NXNL2: variants seen among roughly 807,000 people sequenced by gnomAD.
NXNL2 encodes nucleoredoxin-like protein 2.
In NXNL2, 7 loss-of-function variants were observed where a neutral mutation model predicts 11.1. That is an observed-to-expected ratio of 0.63 (90% CI 0.36 to 1.18). NXNL2 has a LOEUF of 1.18. NXNL2 is among the 50% of genes most tolerant of loss of function. NXNL2 has a pLI of 0.02. For synonymous variants in NXNL2, 109 were observed against 101.8 expected, an observed-to-expected ratio of 1.07 and a Z score of -0.42; for missense variants, 233 against 217.7, an observed-to-expected ratio of 1.07 and a Z score of -0.44.
intron 1 of NXNL2, among the ~76,000 whole-genome samples, chr9:88,536,206 CGA>C (rs1420511245): frequency 1.3e-5 from 2 of 152,000 alleles, no homozygotes; most frequent in Non-Finnish European, 2.9e-5. Flanking sequence ...GGATGACCCG[CGA>C]GGACATCAGC....
At chr9:88,536,585 G>C (rs1487898519) in intron 1 of NXNL2, among the ~76,000 whole-genome samples, 1 of 152,094 alleles carries the variant, frequency 6.6e-6, no homozygotes, top group African/African-American at 2.4e-5. Flanking sequence ...TCTGGGTTTT[G>C]CTTTACAGCC....
chr9:88,557,379 A>C (rs1830031648), intron 1 of NXNL2, among the ~76,000 whole-genome samples: 1 of 152,014 alleles, frequency 6.6e-6, no homozygotes, highest in Non-Finnish European at 1.5e-5. Flanking sequence ...CTGGGCATCA[A>C]ATTTTCCAAA....
At chr9:88,582,356 C>T (rs28513342) in intron 1 of NXNL2, among the ~76,000 whole-genome samples, 35,170 of 151,886 alleles carry the variant, frequency 0.23, 6,261 homozygotes, top group East Asian at 0.89. Context: ...GTAGTCCCAG[C>T]TACTCGGGAG....
intron 2 of NXNL2, among the ~76,000 whole-genome samples, chr9:88,574,680 G>A (rs1354322588): frequency 6.6e-6 from 1 of 152,164 alleles, no homozygotes; most frequent in Non-Finnish European, 1.5e-5. Context: ...ATTTTGAGGT[G>A]GGGACTTCCT....
At chr9:88,565,894 T>A (rs1830163508) in intron 1 of NXNL2, among the ~76,000 whole-genome samples, 1 of 152,220 alleles carries the variant, frequency 6.6e-6, no homozygotes, top group African/African-American at 2.4e-5. Context: ...TGAGGTGATA[T>A]CTCATTGTGG....
downstream of NXNL2, among the ~76,000 whole-genome samples, chr9:88,577,415 G>A (rs749778941): frequency 2.6e-5 from 4 of 152,018 alleles, no homozygotes; most frequent in Admixed American, 1.3e-4. Context: ...GCATGTCTAC[G>A]GTCCTAAGAG....
intron 1 of NXNL2, among the ~76,000 whole-genome samples, chr9:88,567,848 C>T (rs1480901635): frequency 6.6e-6 from 1 of 152,172 alleles, no homozygotes; most frequent in Non-Finnish European, 1.5e-5. Context: ...CTCTCTGCAT[C>T]GGGTTGCTCT....
downstream of NXNL2, among the ~76,000 whole-genome samples, chr9:88,548,715 C>T (rs1386328713): frequency 2.0e-5 from 3 of 148,662 alleles, no homozygotes; most frequent in Non-Finnish European, 4.4e-5. Context: ...ATTATCTTAT[C>T]TGGCTGTTTG....
At chr9:88,537,499 T>C (rs1829652492) in intron 1 of NXNL2, among the ~76,000 whole-genome samples, 17 of 152,230 alleles carry the variant, frequency 1.1e-4, no homozygotes, top group Admixed American at 1.1e-3. Flanking sequence ...ATTTTTCTTT[T>C]TGTAAACTTA....
chr9:88,565,565 C>T (rs11142343), intron 1 of NXNL2, among the ~76,000 whole-genome samples: 43,726 of 151,942 alleles, frequency 0.29, 10,472 homozygotes, highest in East Asian at 0.78. Flanking sequence ...AGACAGAGTC[C>T]TTCTCTGTCT....
downstream of NXNL2, among the ~76,000 whole-genome samples, chr9:88,545,949 T>C (rs1391952280): frequency 6.6e-6 from 1 of 152,022 alleles, no homozygotes; most frequent in Non-Finnish European, 1.5e-5. Context: ...GTATTTTTAG[T>C]AGAGACAGGG....
intron 1 of NXNL2, among the ~76,000 whole-genome samples, chr9:88,567,681 G>C (rs1587854202): frequency 6.6e-6 from 1 of 152,160 alleles, no homozygotes; most frequent in East Asian, 1.9e-4. Flanking sequence ...TTCTGACTTA[G>C]GGAATAATCT....
At chr9:88,582,332 G>T (rs1217430749) in intron 1 of NXNL2, among the ~76,000 whole-genome samples, 1 of 152,120 alleles carries the variant, frequency 6.6e-6, no homozygotes, top group East Asian at 1.9e-4. Context: ...AGCTGGGCAT[G>T]GTGGCGGGCG....
intron 1 of NXNL2, among the ~76,000 whole-genome samples, chr9:88,555,233 C>T (rs972731339): frequency 1.3e-5 from 2 of 152,192 alleles, no homozygotes; most frequent in African/African-American, 4.8e-5. Context: ...AGGCAACCCT[C>T]AGGGCTGCTG....
intron 1 of NXNL2, among the ~76,000 whole-genome samples, chr9:88,566,995 T>C (rs12345549): frequency 0.014 from 2,080 of 150,384 alleles, 54 homozygotes; most frequent in African/African-American, 0.048. Context: ...TATCTATCTA[T>C]CTATCTATCT....
chr9:88,578,727 T>G (rs895484314), downstream of NXNL2, among the ~76,000 whole-genome samples: 1 of 152,194 alleles, frequency 6.6e-6, no homozygotes, highest in East Asian at 1.9e-4. Flanking sequence ...CAGCCCCATC[T>G]CCTGACTTCC....
At chr9:88,572,299 T>C (rs1328510521) in intron 2 of NXNL2, among the ~76,000 whole-genome samples, 1 of 152,184 alleles carries the variant, frequency 6.6e-6, no homozygotes, top group Non-Finnish European at 1.5e-5. Context: ...ACTCTGTGGA[T>C]GGGTGGAGTA....
chr9:88,539,083 G>A (rs1829693377), intron 1 of NXNL2, among the ~76,000 whole-genome samples: 1 of 152,188 alleles, frequency 6.6e-6, no homozygotes, highest in African/African-American at 2.4e-5. Flanking sequence ...CTCCCAGTTG[G>A]TGCAGGGGAT....
At chr9:88,556,100 C>G (rs546764592) in intron 1 of NXNL2, among the ~76,000 whole-genome samples, 1 of 152,210 alleles carries the variant, frequency 6.6e-6, no homozygotes, top group Non-Finnish European at 1.5e-5. Flanking sequence ...CAGTGGGTCA[C>G]AACTCTGGCT....
Sources: gnomAD v4.1 joint callset for allele counts (sites outside exome capture counted in the v4.1 genomes callset) on GRCh38, gnomAD v4.1.1 for gene constraint, MANE v1.5 for transcripts, NCBI Gene and HGNC (gene_info 2026-07-23, HGNC 2026-07-21) for gene names.